Variants in GRIP1 observed in about 807,000 individuals in gnomAD.
GRIP1 encodes the protein glutamate receptor-interacting protein 1.
GRIP1 carries 45 observed loss-of-function variants against 129.9 expected under a neutral mutation model. That is an observed-to-expected ratio of 0.35 (90% confidence interval 0.27 to 0.44). The LOEUF (loss-of-function observed/expected upper bound fraction) is 0.44, where lower values mean the gene tolerates loss of function less well. GRIP1 is among the 20% of genes least tolerant of loss of function. The pLI, the probability that GRIP1 is intolerant of heterozygous loss-of-function variation, is 1.00. For missense variants in GRIP1, 1,196 were observed against 1,396.8 expected, an observed-to-expected ratio of 0.86 and a Z score of 2.29; for synonymous variants, 530 against 520.8, an observed-to-expected ratio of 1.02 and a Z score of -0.24.
chr12:66,631,119 G>A (rs534079081), intron 1 of GRIP1, among the ~76,000 whole-genome samples: 168 of 152,228 alleles, frequency 1.1e-3, no homozygotes, highest in Middle Eastern at 3.4e-3. Flanking sequence ...TGTATTTATA[G>A]TAGAGAAGGG....
At chr12:66,684,183 T>C (rs968620347) in intron 1 of GRIP1, among the ~76,000 whole-genome samples, 1 of 152,178 alleles carries the variant, frequency 6.6e-6, no homozygotes, top group African/African-American at 2.4e-5. Flanking sequence ...ATTGTACAAT[T>C]TGACACTTGC....
rs1043977323 is a variant in GRIP1 at position 66,392,555 on chromosome 12, T to C, written c.2270-53A>G. 3.2e-6 allele frequency: 5 copies of C among 1,582,778 alleles called. No homozygotes were observed. In the African/African-American group the frequency reaches 6.7e-5, roughly 21 times the overall value. On this transcript the variant is annotated intron_variant, in intron 18 of 24. Coordinates refer to ENST00000359742, the MANE Select transcript of GRIP1 (RefSeq NM_001366722.1). ...ATCAGAGTAAATTTAAATAAAAATA[T>C]ACCAAGATACTCCGTGGCTAGAGAT...
chr12:66,364,265 CAAA>C (rs1159887365), intron 23 of GRIP1, among the ~76,000 whole-genome samples: 291 of 16,234 alleles, frequency 0.018, 1 homozygote, highest in South Asian at 0.034. Context: ...GACTCCATCT[CAAA>C]AAAAAAAAAA....
intron 1 of GRIP1, among the ~76,000 whole-genome samples, chr12:66,796,677 G>A (rs374246450): frequency 2.0e-5 from 3 of 152,094 alleles, no homozygotes; most frequent in East Asian, 3.9e-4. Context: ...TCTGTACCAC[G>A]GTATCTCCAG....
chr12:66,796,487 G>A (rs748448759), intron 1 of GRIP1, among the ~76,000 whole-genome samples: 2 of 151,964 alleles, frequency 1.3e-5, no homozygotes, highest in South Asian at 4.2e-4. Context: ...CTTCAATCAG[G>A]GTCATCCCAA....
At chr12:67,044,863 T>G (rs1353413173) in intron 1 of GRIP1, among the ~76,000 whole-genome samples, 1 of 152,230 alleles carries the variant, frequency 6.6e-6, no homozygotes, top group Non-Finnish European at 1.5e-5. Flanking sequence ...GCCAGCACTA[T>G]AGTAATTCTT....
chr12:66,748,536 A>G (rs549924619), intron 1 of GRIP1, among the ~76,000 whole-genome samples: 13 of 152,200 alleles, frequency 8.5e-5, no homozygotes, highest in Non-Finnish European at 1.9e-4. Flanking sequence ...GCATGTATCT[A>G]TCGTAAGTTC....
intron 5 of GRIP1, among the ~76,000 whole-genome samples, chr12:66,522,350 C>CGCTGTTCTACAGCCACT (rs886170509): frequency 1.7e-3 from 252 of 152,264 alleles, no homozygotes; most frequent in Non-Finnish European, 2.2e-3. Context: ...CACCAATATC[C>CGCTGTTCTACAGCCACT]GCTGTTCTAC....
At chr12:66,800,251 C>G (rs1330099764) in intron 1 of GRIP1, among the ~76,000 whole-genome samples, 2 of 152,138 alleles carry the variant, frequency 1.3e-5, no homozygotes, top group African/African-American at 4.8e-5. Context: ...GTTAATTGGT[C>G]ACTAATGACT....
At chr12:67,024,723 T>C (rs2042916417) in intron 1 of GRIP1, among the ~76,000 whole-genome samples, 2 of 152,202 alleles carry the variant, frequency 1.3e-5, no homozygotes, top group South Asian at 4.1e-4. Flanking sequence ...AGATCACTAA[T>C]ACAAATGGCT....
At chr12:66,878,622 T>G (rs1455182441) in intron 1 of GRIP1, among the ~76,000 whole-genome samples, 1 of 152,022 alleles carries the variant, frequency 6.6e-6, no homozygotes, top group African/African-American at 2.4e-5. Context: ...ATTAAACCAA[T>G]GCTACAAAGC....
At chr12:67,056,073 C>A (rs891521815) in intron 1 of GRIP1, among the ~76,000 whole-genome samples, 4 of 152,020 alleles carry the variant, frequency 2.6e-5, no homozygotes, top group East Asian at 1.9e-4. Flanking sequence ...ACAATGAGTT[C>A]TTGATAGTAT....
intron 1 of GRIP1, among the ~76,000 whole-genome samples, chr12:66,899,187 G>C (rs1290679602): frequency 6.6e-6 from 1 of 151,890 alleles, no homozygotes; most frequent in African/African-American, 2.4e-5. Flanking sequence ...TTTGACATTA[G>C]CAGTCCCATA....
intron 1 of GRIP1, among the ~76,000 whole-genome samples, chr12:66,892,741 T>A (rs558864437): frequency 1.4e-3 from 212 of 151,998 alleles, no homozygotes; most frequent in Non-Finnish European, 2.5e-3. Context: ...GCAGGAGGAC[T>A]GCTTGAGCCT....
intron 1 of GRIP1, among the ~76,000 whole-genome samples, chr12:66,963,556 GTTTTA>G (rs905273956): frequency 9.2e-5 from 14 of 152,108 alleles, no homozygotes; most frequent in African/African-American, 3.4e-4. Flanking sequence ...CTACATATTT[GTTTTA>G]AAGTTCTGTA....
intron 2 of GRIP1, chr12:66,569,076 CA>C (rs902553122): frequency 8.4e-6 from 2 of 237,952 alleles, no homozygotes; most frequent in Non-Finnish European, 1.7e-5. Flanking sequence ...TTGATTCCAC[CA>C]TGCTATTTGC....
At chr12:66,707,655 C>G (rs2035580941) in intron 1 of GRIP1, among the ~76,000 whole-genome samples, 1 of 151,818 alleles carries the variant, frequency 6.6e-6, no homozygotes, top group Non-Finnish European at 1.5e-5. Context: ...ATGGTAGCAA[C>G]CCCCTCCCTC....
intron 1 of GRIP1, among the ~76,000 whole-genome samples, chr12:66,950,250 T>C (rs1454477135): frequency 2.0e-5 from 3 of 152,206 alleles, no homozygotes; most frequent in African/African-American, 7.2e-5. Context: ...CCAAAACAGC[T>C]AATAGTTCTC....
At chr12:66,541,739 C>T (rs549408701) in intron 3 of GRIP1, 76 bp downstream of exon 3, 579 of 1,491,004 alleles carry the variant, frequency 3.9e-4, no homozygotes, top group Middle Eastern at 1.2e-3. Context: ...TTAGTGACCA[C>T]TTTTGATGGA....
Sources: allele counts gnomAD v4.1 joint callset (sites outside exome capture counted in the v4.1 genomes callset), GRCh38; gene constraint gnomAD v4.1.1; transcripts MANE v1.5; gene names NCBI Gene and HGNC (gene_info 2026-07-23, HGNC 2026-07-21).